DGKI: variants seen among roughly 807,000 people sequenced by gnomAD.
DGKI encodes DAG kinase iota.
DGKI carries 55 observed loss-of-function variants against 147.5 expected under a neutral mutation model. That is an observed-to-expected ratio of 0.37 (90% CI 0.30 to 0.47). The LOEUF is 0.47. DGKI is among the 20% of genes least tolerant of loss of function. The pLI is 1.00. For missense variants in DGKI, 1,007 were observed against 1,323.8 expected (o/e 0.76, Z 3.71); for synonymous variants, 469 against 477.1 (o/e 0.98, Z 0.22).
chr7:137,515,556 T>C lies in DGKI; in HGVS notation c.2248+6310A>G, dbSNP rs545852412. On this transcript the variant is annotated intron_variant, in intron 21 of 32. Transcript: ENST00000614521. ...CATTTGAAATGGAATTGTGAAAGAC[T>C]GACATGTAAATTTTTACTTATGTTA... Among the ~76,000 whole-genome samples the C allele has an allele frequency of 3.0e-3, 450 of 152,286 alleles. 3 individuals carry two copies. The highest frequency in any genetic ancestry group is 0.022 in the South Asian group (106 of 4,824).
intron 28 of DGKI, among the ~76,000 whole-genome samples, chr7:137,441,389 C>T (rs1353410381): frequency 1.4e-5 from 2 of 144,632 alleles, no homozygotes; most frequent in Non-Finnish European, 3.0e-5. Flanking sequence ...CCACTGCACT[C>T]CAGCCTGGGC....
intron 3 of DGKI, among the ~76,000 whole-genome samples, chr7:137,677,987 G>A (rs1458899968): frequency 6.6e-6 from 1 of 152,028 alleles, no homozygotes; most frequent in Non-Finnish European, 1.5e-5. Context: ...TTCTAAATAG[G>A]GACACAAAGC....
intron 1 of DGKI, among the ~76,000 whole-genome samples, chr7:137,802,163 G>A (rs951419460): frequency 1.3e-5 from 2 of 152,116 alleles, no homozygotes; most frequent in Non-Finnish European, 1.5e-5. Flanking sequence ...AATACTGTAT[G>A]TTCTCTAAGT....
At chr7:137,458,231 G>A (rs1814280384) in intron 27 of DGKI, among the ~76,000 whole-genome samples, 1 of 152,070 alleles carries the variant, frequency 6.6e-6, no homozygotes, top group Non-Finnish European at 1.5e-5. Context: ...ACATTTGATA[G>A]CATTATCTTT....
intron 2 of DGKI, among the ~76,000 whole-genome samples, chr7:137,682,303 C>T (rs1428340765): frequency 1.3e-5 from 2 of 152,076 alleles, no homozygotes; most frequent in Non-Finnish European, 2.9e-5. Context: ...TCTCAGGAAC[C>T]CGTCTCCAGC....
At chr7:137,708,458 C>T (rs906710120) in intron 1 of DGKI, among the ~76,000 whole-genome samples, 4 of 152,176 alleles carry the variant, frequency 2.6e-5, no homozygotes, top group Admixed American at 1.3e-4. Context: ...CCACTGGCAG[C>T]TCTCAAAACT....
At chr7:137,732,304 C>T (rs1467592239) in intron 1 of DGKI, among the ~76,000 whole-genome samples, 5 of 151,964 alleles carry the variant, frequency 3.3e-5, no homozygotes, top group African/African-American at 1.2e-4. Context: ...TGTGGTAGAG[C>T]TCTAATAATA....
At chr7:137,809,998 T>G (rs945640875) in intron 1 of DGKI, among the ~76,000 whole-genome samples, 1 of 151,848 alleles carries the variant, frequency 6.6e-6, no homozygotes, top group Admixed American at 6.6e-5. Context: ...GGTGCAGGAG[T>G]AAGAGGTTCT....
chr7:137,436,735 G>A (rs1272446544), intron 28 of DGKI, among the ~76,000 whole-genome samples: 1 of 152,082 alleles, frequency 6.6e-6, no homozygotes, highest in Non-Finnish European at 1.5e-5. Context: ...TTATGAACAT[G>A]GATGTAAATA....
intron 20 of DGKI, among the ~76,000 whole-genome samples, chr7:137,535,506 G>A (rs1266859301): frequency 3.3e-5 from 5 of 151,458 alleles, no homozygotes; most frequent in African/African-American, 9.7e-5. Context: ...CCTGGCACAT[G>A]TACTACCCCC....
intron 3 of DGKI, among the ~76,000 whole-genome samples, chr7:137,670,949 A>C (rs1822824005): frequency 6.6e-6 from 1 of 152,224 alleles, no homozygotes; most frequent in Non-Finnish European, 1.5e-5. Context: ...CTGAATACGC[A>C]GATGGCCAGA....
intron 7 of DGKI, among the ~76,000 whole-genome samples, chr7:137,620,519 C>T (rs1585294856): frequency 1.3e-5 from 2 of 152,086 alleles, no homozygotes; most frequent in East Asian, 3.9e-4. Context: ...GATGTCTCTT[C>T]TACAGAGTTG....
intron 3 of DGKI, among the ~76,000 whole-genome samples, chr7:137,672,771 T>TG (rs1822892818): frequency 1.7e-5 from 1 of 57,896 alleles, no homozygotes; most frequent in Non-Finnish European, 3.3e-5. Flanking sequence ...TGTGTCTTTT[T>TG]TTTTTTTTTT....
chr7:137,472,396 A>T (rs1484008177), intron 23 of DGKI, among the ~76,000 whole-genome samples: 4 of 94,734 alleles, frequency 4.2e-5, no homozygotes, highest in Non-Finnish European at 5.6e-5. Flanking sequence ...TACATATTAT[A>T]ATTATTATAT....
intron 20 of DGKI, among the ~76,000 whole-genome samples, chr7:137,523,949 T>C (rs907831309): frequency 2.0e-5 from 3 of 151,502 alleles, no homozygotes; most frequent in African/African-American, 7.4e-5. Flanking sequence ...ATCAGTTTCA[T>C]GTTCTTTCTC....
At chr7:137,762,593 T>G (rs1190006867) in intron 1 of DGKI, among the ~76,000 whole-genome samples, 3 of 152,238 alleles carry the variant, frequency 2.0e-5, no homozygotes, top group Non-Finnish European at 2.9e-5. Context: ...TGCCTGAATG[T>G]GGAACACCCT....
chr7:137,576,086 T>A (rs1433706622), intron 17 of DGKI, among the ~76,000 whole-genome samples: 1 of 147,772 alleles, frequency 6.8e-6, no homozygotes, highest in African/African-American at 2.6e-5. Context: ...TCGCCCAGGC[T>A]GGAGTGCAGT....
intron 1 of DGKI, among the ~76,000 whole-genome samples, chr7:137,792,074 T>A (rs1353856833): frequency 6.6e-6 from 1 of 152,222 alleles, no homozygotes. Flanking sequence ...CTCTGAGGCA[T>A]GAGCCATAGG....
intron 1 of DGKI, among the ~76,000 whole-genome samples, chr7:137,694,113 A>G (rs1470691487): frequency 6.6e-6 from 1 of 152,152 alleles, no homozygotes; most frequent in South Asian, 2.1e-4. Flanking sequence ...CAAGGTCAGG[A>G]GATTGAGACC....
Sources: allele counts gnomAD v4.1 joint callset (sites outside exome capture counted in the v4.1 genomes callset), GRCh38; gene constraint gnomAD v4.1.1; transcripts MANE v1.5; gene names NCBI Gene and HGNC (gene_info 2026-07-23, HGNC 2026-07-21).